Variants in SRL observed in about 807,000 individuals in gnomAD.
SRL encodes sarcalumenin.
A neutral mutation model predicts 39.5 loss-of-function variants in SRL; 23 were observed. The ratio of observed to expected loss-of-function variants is 0.58; its 90% CI spans 0.42 to 0.82. SRL has a LOEUF of 0.82. Among genes scored for constraint, SRL ranks in the 40% least tolerant of loss-of-function variants. The pLI is 0.00. For synonymous variants in SRL, 272 were observed against 237.4 expected (o/e 1.15, Z -1.34); for missense variants, 592 against 607.8 (o/e 0.97, Z 0.27).
intron 1 of SRL, among the ~76,000 whole-genome samples, chr16:4,209,361 T>C (rs1167920786): frequency 2.0e-5 from 3 of 152,096 alleles, no homozygotes; most frequent in Non-Finnish European, 4.4e-5. Context: ...TGGGGGACAT[T>C]GCAGGCTCAT....
intron 1 of SRL, chr16:4,207,508 C>T (rs1239720158): frequency 2.0e-5 from 9 of 456,606 alleles, no homozygotes; most frequent in African/African-American, 6.0e-5. Context: ...TTCAGTGGGC[C>T]GACCCCATCA....
At chr16:4,226,741 G>A (rs1262764305) in intron 1 of SRL, among the ~76,000 whole-genome samples, 2 of 151,016 alleles carry the variant, frequency 1.3e-5, no homozygotes, top group Non-Finnish European at 3.0e-5. Flanking sequence ...CAGATGGATG[G>A]AAGGATGGAA....
chr16:4,212,255 A>G (rs2052402452), intron 1 of SRL, among the ~76,000 whole-genome samples: 1 of 152,162 alleles, frequency 6.6e-6, no homozygotes, highest in South Asian at 2.1e-4. Context: ...TTACACTGTG[A>G]CCTTTCTCCC....
chr16:4,194,795 A>C lies in SRL; in HGVS notation c.610+758T>G, dbSNP rs1390955195. ...AGATGGCATCGCAGTAACGACAAGA[A>C]GGGTGGAAGTTAAGAATGCCTCTCC... On this transcript the variant is annotated intron_variant, in intron 5 of 5. Coordinates refer to ENST00000399609, the MANE Select transcript of SRL (RefSeq NM_001098814.2). Among the ~76,000 whole-genome samples, 3 of 152,290 alleles carry C rather than the reference A, an allele frequency of 2.0e-5. No individual in the cohort carries two copies. The East Asian group carries it at 5.8e-4, about 29-fold the overall frequency.
At chr16:4,205,603 C>T (rs533725598) in intron 1 of SRL, among the ~76,000 whole-genome samples, 4 of 152,098 alleles carry the variant, frequency 2.6e-5, no homozygotes, top group East Asian at 1.9e-4. Flanking sequence ...TGGAGAGAAG[C>T]GTTCTGCAAA....
At chr16:4,196,574 G>A (rs2159229) in intron 4 of SRL, among the ~76,000 whole-genome samples, 74,843 of 149,922 alleles carry the variant, frequency 0.5, 18,816 homozygotes, top group South Asian at 0.62. Flanking sequence ...CTCCGCCCCC[G>A]GGTTCAAGCG....
chr16:4,239,053 G>A (rs910459049), intron 1 of SRL, among the ~76,000 whole-genome samples: 1 of 152,272 alleles, frequency 6.6e-6, no homozygotes, highest in African/African-American at 2.4e-5. Flanking sequence ...AACCAGCTGT[G>A]GGGAAAAGGC....
chr16:4,191,981 C>A lies in SRL; in HGVS notation c.*172G>T. 1 of 645,844 alleles carries A rather than the reference C, an allele frequency of 1.5e-6. No individual in the cohort carries two copies. The highest frequency in any genetic ancestry group is 2.5e-5 in the South Asian group (1 of 40,472). The allele number at this position is 645,844 out of a possible 1,614,324, so 40.0% of individuals were successfully genotyped here. On this transcript the variant is annotated 3_prime_UTR_variant, in exon 6 of 6. Coordinates refer to ENST00000399609, the MANE Select transcript of SRL (RefSeq NM_001098814.2). ...CACACAGGAATTCACAGTTTCCACT[C>A]TCCTCCCTAGACCCACACACCTGCC...
intron 1 of SRL, among the ~76,000 whole-genome samples, chr16:4,215,376 A>C (rs997954730): frequency 6.6e-6 from 1 of 152,214 alleles, no homozygotes; most frequent in African/African-American, 2.4e-5. Flanking sequence ...TCATCCAGGG[A>C]ATCAGATACA....
At chr16:4,199,422 A>C (rs59629196) in intron 3 of SRL, among the ~76,000 whole-genome samples, 5,029 of 126,284 alleles carry the variant, frequency 0.04, 307 homozygotes, top group African/African-American at 0.14. Context: ...CCCAAACCAC[A>C]GTGCAGTGGT....
chr16:4,195,613 C>T lies in SRL; in HGVS notation c.550G>A (p.Glu184Lys). ...IGIEVPHKLL[E>K]RVTFVDTPGI... The stretch of plus-strand genomic sequence containing the variant: ...GGTGTATCCACAAAAGTGACCCTCT[C>T]CAGAAGTTTGTGGGGAACCTCAATG... Residue 184 changes from glutamate to lysine, a missense_variant, in exon 5 of 6, where the codon GAG becomes AAG. Glu to Lys is a moderately conservative substitution (Grantham distance 56). Transcript: ENST00000399609. 1 of 1,614,168 alleles carries T rather than the reference C, an allele frequency of 6.2e-7. No homozygotes were observed.
intron 1 of SRL, among the ~76,000 whole-genome samples, chr16:4,218,624 C>A (rs1286783717): frequency 6.6e-6 from 1 of 152,208 alleles, no homozygotes; most frequent in Non-Finnish European, 1.5e-5. Context: ...CCCGCTGGAC[C>A]ACGTGGGCCC....
In SRL at chr16:4,197,906, ATC is replaced by A; in HGVS notation, c.267_268del (p.Glu89AspfsTer17). ...GAACAGTACCATGGGCTTGGAGGTA[ATC>A]TCTCCATCTGTGGGCAACAGGAAGT... On this transcript the variant is annotated frameshift_variant, in exon 4 of 6. Coordinates refer to ENST00000399609, the MANE Select transcript of SRL (RefSeq NM_001098814.2). LOFTEE classifies it high-confidence loss of function. The A allele has an allele frequency of 6.2e-7, 1 of 1,609,796 alleles. No individual in the cohort carries two copies.
chr16:4,192,777 C>G lies in SRL; in HGVS notation c.798G>C (p.Met266Ile). ...KADNLATQML[M>I]RVYGALFWSL... ...TCCAGAAGAGGGCCCCGTAAACCCG[C>G]ATGAGCATTTGGGTGGCCAGATTGT... The change falls in exon 6 of 6, where the codon ATG becomes ATC. Residue 266 changes from methionine (M) to isoleucine (I), a missense_variant. Met to Ile is a conservative substitution (Grantham distance 10). Coordinates refer to ENST00000399609, the MANE Select transcript of SRL (RefSeq NM_001098814.2). The surrounding 1 kb of genome is among the most constrained non-coding windows in gnomAD (Gnocchi z 4.0). The G allele has an allele frequency of 6.2e-7, 1 of 1,614,214 alleles. No homozygotes were observed.
At chr16:4,228,084 C>G (rs1375682432) in intron 1 of SRL, among the ~76,000 whole-genome samples, 3 of 152,200 alleles carry the variant, frequency 2.0e-5, no homozygotes, top group Non-Finnish European at 4.4e-5. Flanking sequence ...GGATGCTGGT[C>G]TAAGGAGGGC....
chr16:4,223,552 A>ATT (rs796106556), intron 1 of SRL, among the ~76,000 whole-genome samples: 63 of 143,696 alleles, frequency 4.4e-4, no homozygotes, highest in African/African-American at 1.3e-3. Context: ...AGGTTTTTAA[A>ATT]TTTTTTTTTT....
At chr16:4,213,412 T>TTTC (rs1567182396) in intron 1 of SRL, among the ~76,000 whole-genome samples, 4 of 126,278 alleles carry the variant, frequency 3.2e-5, no homozygotes, top group African/African-American at 1.3e-4. Context: ...TTCTTTTTTT[T>TTTC]TTTTTTTTTT....
At chr16:4,239,926 G>A (rs536649083) in intron 1 of SRL, among the ~76,000 whole-genome samples, 1 of 151,054 alleles carries the variant, frequency 6.6e-6, no homozygotes, top group Non-Finnish European at 1.5e-5. Flanking sequence ...AGCAGGTCGG[G>A]AGGTGGAAAC....
chr16:4,230,185 G>A (rs1302913882), intron 1 of SRL, among the ~76,000 whole-genome samples: 5 of 152,082 alleles, frequency 3.3e-5, no homozygotes, highest in African/African-American at 1.2e-4. Flanking sequence ...TCCTCCATCT[G>A]TTCATTCAAC....
Sources: allele counts gnomAD v4.1 joint callset (sites outside exome capture counted in the v4.1 genomes callset), GRCh38; gene constraint gnomAD v4.1.1; non-coding constraint Gnocchi (gnomAD v3.1); transcripts MANE v1.5; gene names NCBI Gene and HGNC (gene_info 2026-07-23, HGNC 2026-07-21).